KCNJ3: variants seen among roughly 807,000 people sequenced by gnomAD.
KCNJ3 encodes potassium inwardly rectifying channel subfamily J member 3.
Under a neutral mutation model 39.2 loss-of-function variants are expected in KCNJ3, and 4 were observed. The observed-to-expected ratio is 0.10, with a 90% CI of 0.05 to 0.23. KCNJ3 has a LOEUF of 0.23. KCNJ3 is among the 10% of genes least tolerant of loss of function. The pLI, the probability that KCNJ3 is intolerant of heterozygous loss-of-function variation, is 1.00. For synonymous variants in KCNJ3, 230 were observed against 237.4 expected, an observed-to-expected ratio of 0.97 and a Z score of 0.29; for missense variants, 276 against 634.9, an observed-to-expected ratio of 0.43 and a Z score of 6.08.
At chr2:154,751,389 G>A (rs1211593187) in intron 2 of KCNJ3, among the ~76,000 whole-genome samples, 1 of 151,724 alleles carries the variant, frequency 6.6e-6, no homozygotes, top group Non-Finnish European at 1.5e-5. Context: ...TTTGAACCAG[G>A]ATATTTAGTA....
intron 1 of KCNJ3, among the ~76,000 whole-genome samples, chr2:154,708,353 T>C (rs1003169020): frequency 6.6e-6 from 1 of 152,198 alleles, no homozygotes; most frequent in African/African-American, 2.4e-5. Flanking sequence ...CATTTCTCAG[T>C]GTTTTCAGAC....
At chr2:154,761,972 T>C (rs1686054570) in intron 2 of KCNJ3, among the ~76,000 whole-genome samples, 4 of 151,612 alleles carry the variant, frequency 2.6e-5, no homozygotes, top group African/African-American at 9.7e-5. Context: ...AGAGTCCTTA[T>C]AAAAAAAAAG....
At chr2:154,765,536 T>G (rs1420977788) in intron 2 of KCNJ3, among the ~76,000 whole-genome samples, 1 of 152,238 alleles carries the variant, frequency 6.6e-6, no homozygotes, top group African/African-American at 2.4e-5. Context: ...TATGCATTTG[T>G]GAACTGAATG....
intron 2 of KCNJ3, among the ~76,000 whole-genome samples, chr2:154,836,697 T>G (rs1184953018): frequency 6.6e-6 from 1 of 152,234 alleles, no homozygotes; most frequent in African/African-American, 2.4e-5. Flanking sequence ...CATAAAATTA[T>G]AGGGAATTTA....
intron 2 of KCNJ3, among the ~76,000 whole-genome samples, chr2:154,801,145 A>T (rs879320448): frequency 3.4e-4 from 51 of 152,172 alleles, no homozygotes; most frequent in Non-Finnish European, 4.1e-4. Flanking sequence ...CAGCTCCATG[A>T]CTCAGGGAAA....
intron 2 of KCNJ3, among the ~76,000 whole-genome samples, chr2:154,725,786 C>T (rs138569016): frequency 0.042 from 6,388 of 152,004 alleles, 289 homozygotes; most frequent in East Asian, 0.11. Flanking sequence ...AATAGAGAAC[C>T]CTGAAATAAA....
At chr2:154,790,749 T>G (rs1283238512) in intron 2 of KCNJ3, among the ~76,000 whole-genome samples, 1 of 152,020 alleles carries the variant, frequency 6.6e-6, no homozygotes, top group Non-Finnish European at 1.5e-5. Flanking sequence ...CATTTTCAAG[T>G]CCATGTACTT....
At chr2:154,735,274 C>CT (rs11315316) in intron 2 of KCNJ3, among the ~76,000 whole-genome samples, 9,159 of 143,180 alleles carry the variant, frequency 0.064, 356 homozygotes, top group South Asian at 0.1. Flanking sequence ...TTCTTTCTTT[C>CT]TTTTTTTTTT....
At chr2:154,755,276 A>T (rs1685917870) in intron 2 of KCNJ3, among the ~76,000 whole-genome samples, 1 of 151,940 alleles carries the variant, frequency 6.6e-6, no homozygotes, top group South Asian at 2.1e-4. Flanking sequence ...ACTTCTTGAG[A>T]TTGATTAACC....
rs889094760 is a variant in KCNJ3 at position 154,832,389 on chromosome 2, T to A, written c.920-22338T>A. Among the ~76,000 whole-genome samples the A allele has an allele frequency of 3.9e-5, 6 of 152,194 alleles. No individual in the cohort carries two copies. The South Asian group carries it at 1.2e-3, about 31-fold the overall frequency. Reference sequence around the variant, plus strand: ...TGAAGTTTTGAATGTTTAGTTAATGTTCCTCTTGAAACATAGTCTATGCAT... The same window carrying A: ...TGAAGTTTTGAATGTTTAGTTAATGATCCTCTTGAAACATAGTCTATGCAT... On this transcript the variant is annotated intron_variant, in intron 2 of 2. Coordinates refer to ENST00000295101, the MANE Select transcript of KCNJ3 (RefSeq NM_002239.4).
chr2:154,746,366 G>T (rs921617832), intron 2 of KCNJ3, among the ~76,000 whole-genome samples: 3 of 151,612 alleles, frequency 2.0e-5, no homozygotes. Flanking sequence ...TTGTTTAAGG[G>T]TGAACTGTAT....
chr2:154,754,061 A>C (rs188041038), intron 2 of KCNJ3, among the ~76,000 whole-genome samples: 1 of 152,222 alleles, frequency 6.6e-6, no homozygotes, highest in East Asian at 1.9e-4. Context: ...TTTTTACTTT[A>C]GAATAGTTTT....
At chr2:154,752,337 A>G (rs1375899366) in intron 2 of KCNJ3, among the ~76,000 whole-genome samples, 2 of 152,038 alleles carry the variant, frequency 1.3e-5, no homozygotes, top group African/African-American at 2.4e-5. Flanking sequence ...TCCATTCATA[A>G]TAACAACATA....
rs750918047 is a variant in KCNJ3 at position 154,856,814 on chromosome 2, A to G, written c.*1501A>G. 2.4e-4 allele frequency: 37 copies of G among 152,156 alleles called. No individual in the cohort carries two copies. Among genetic ancestry groups the G allele is most frequent in the Middle Eastern group, 3.2e-3 (1 of 316 alleles). 9.4% of individuals were successfully genotyped at this position (152,156 alleles called of 1,614,324 possible). A position where few individuals can be genotyped will look rare whatever the true frequency, so the allele number is the denominator to read the frequency against. Reference sequence around the variant, plus strand: ...TTCAAAATAAAAATTTGGAATGCAGACTTTTATGAAAATTTAAAAGTGCTC... The same window carrying G: ...TTCAAAATAAAAATTTGGAATGCAGGCTTTTATGAAAATTTAAAAGTGCTC... On this transcript the variant is annotated 3_prime_UTR_variant, in exon 3 of 3. Transcript: ENST00000295101.
intron 2 of KCNJ3, among the ~76,000 whole-genome samples, chr2:154,810,170 C>T (rs1250002578): frequency 6.6e-6 from 1 of 152,068 alleles, no homozygotes; most frequent in Non-Finnish European, 1.5e-5. Flanking sequence ...TGAGCCTTGA[C>T]CTCCTGGGCT....
chr2:154,722,525 G>T (rs564177581), intron 2 of KCNJ3, among the ~76,000 whole-genome samples: 1 of 152,304 alleles, frequency 6.6e-6, no homozygotes, highest in African/African-American at 2.4e-5. Flanking sequence ...CATTCATATG[G>T]TTAGAGGTAG....
At chr2:154,752,068 A>G (rs17622700) in intron 2 of KCNJ3, among the ~76,000 whole-genome samples, 6,908 of 152,124 alleles carry the variant, frequency 0.045, 177 homozygotes, top group Non-Finnish European at 0.052. Context: ...TTTACTCATT[A>G]AAGGCAATGT....
chr2:154,748,371 A>C (rs1323760563), intron 2 of KCNJ3, among the ~76,000 whole-genome samples: 5 of 152,080 alleles, frequency 3.3e-5, no homozygotes, highest in African/African-American at 1.2e-4. Context: ...ACATGGGCAT[A>C]TTGAAGGTAC....
intron 2 of KCNJ3, among the ~76,000 whole-genome samples, chr2:154,788,944 C>T (rs1440049307): frequency 3.3e-5 from 5 of 151,894 alleles, no homozygotes; most frequent in East Asian, 1.9e-4. Flanking sequence ...TTTAAAAAGC[C>T]GTGTTATCTG....
Sources: allele counts gnomAD v4.1 joint callset (sites outside exome capture counted in the v4.1 genomes callset), GRCh38; gene constraint gnomAD v4.1.1; transcripts MANE v1.5; gene names NCBI Gene and HGNC (gene_info 2026-07-23, HGNC 2026-07-21).